The following CREM variants were observed in gnomAD, a reference collection of about 807,000 sequenced individuals.
The protein encoded by CREM is cAMP responsive element modulator, also known as cAMP-responsive element modulator.
A neutral mutation model predicts 37.3 loss-of-function variants in CREM; 13 were observed. The ratio of observed to expected loss-of-function variants is 0.35; its 90% CI spans 0.23 to 0.55. CREM has a LOEUF of 0.55. CREM is among the 20% of genes least tolerant of loss of function. The pLI, the probability that CREM is intolerant of heterozygous loss-of-function variation, is 0.88. For synonymous variants in CREM, 124 were observed against 120.2 expected, an observed-to-expected ratio of 1.03 and a Z score of -0.21; for missense variants, 296 against 362.3, an observed-to-expected ratio of 0.82 and a Z score of 1.49.
intron 3 of CREM, among the ~76,000 whole-genome samples, chr10:35,178,321 C>T (rs1417947594): frequency 1.3e-5 from 2 of 152,100 alleles, no homozygotes; most frequent in East Asian, 3.9e-4. Flanking sequence ...CAAGACCCAC[C>T]GCCACCAAGC....
At chr10:35,187,645 A>G (rs767335789) in intron 5 of CREM, among the ~76,000 whole-genome samples, 3 of 152,120 alleles carry the variant, frequency 2.0e-5, no homozygotes, top group Non-Finnish European at 4.4e-5. Flanking sequence ...TTTTAATTGC[A>G]ATATTAAATG....
chr10:35,147,484 A>G (rs1469744169), intron 2 of CREM, among the ~76,000 whole-genome samples: 2 of 152,208 alleles, frequency 1.3e-5, no homozygotes, highest in Non-Finnish European at 2.9e-5. Flanking sequence ...TTCATACACA[A>G]ACTTCAAATC....
chr10:35,175,574 G>C, intron 3 of CREM: 2 of 1,228,924 alleles, frequency 1.6e-6, no homozygotes, highest in Non-Finnish European at 2.4e-6. Context: ...TAGTTTAACT[G>C]CTTTAGAACT....
rs775879845 is a variant in CREM at position 35,148,438 on chromosome 10, TCTG to T, written c.118_120del (p.Ala40del). 8.1e-6 allele frequency: 13 copies of T among 1,613,702 alleles called. No homozygotes were observed. Among genetic ancestry groups the T allele is most frequent in the Admixed American group, 1.7e-5 (1 of 59,946 alleles). On this transcript the variant is annotated inframe_deletion, in exon 3 of 8. Transcript: ENST00000685392. Reference sequence around the variant, plus strand: ...AACAGCTTCTTTGACAGAGAGCAAGTCTGCTCATGTGCAGACTCAGACTGGCCA... The same window carrying T: ...AACAGCTTCTTTGACAGAGAGCAAGTCTCATGTGCAGACTCAGACTGGCCA...
chr10:35,147,374 G>C (rs544036497), intron 2 of CREM, among the ~76,000 whole-genome samples: 2 of 151,902 alleles, frequency 1.3e-5, no homozygotes, highest in Non-Finnish European at 2.9e-5. Context: ...TTAAATTTTA[G>C]TTTTGTTTAT....
intron 6 of CREM, among the ~76,000 whole-genome samples, chr10:35,199,906 T>TTTA (rs2095333481): frequency 2.0e-5 from 3 of 150,464 alleles, no homozygotes; most frequent in East Asian, 1.9e-4. Flanking sequence ...TTTTTTTTTT[T>TTTA]AAGACAGAGT....
intron 5 of CREM, 126 bp downstream of exon 5, chr10:35,179,402 A>G (rs2094253449): frequency 2.0e-6 from 2 of 1,023,590 alleles, no homozygotes; most frequent in African/African-American, 3.3e-5. Flanking sequence ...CCTAAACTGT[A>G]TCATAGAATG....
chr10:35,156,846 A>G (rs990999748), intron 3 of CREM, among the ~76,000 whole-genome samples: 3 of 152,066 alleles, frequency 2.0e-5, no homozygotes, highest in African/African-American at 7.2e-5. Flanking sequence ...GGAAAAACAC[A>G]TGTCTTTAAA....
chr10:35,170,109 C>A lies in CREM; in HGVS notation c.169-8780C>A, dbSNP rs187789024. Among the ~76,000 whole-genome samples the A allele has an allele frequency of 2.0e-5, 3 of 152,070 alleles. No homozygotes were observed. In the East Asian group the frequency reaches 5.8e-4, roughly 29 times the overall value. On this transcript the variant is annotated intron_variant, in intron 3 of 7. Transcript: ENST00000685392. ...TCCCTAGTAGCTGGGACTACAGGCACCCGCCACCACACCCGGCTAATTTTT... is the reference window on the plus strand; with the variant it reads ...TCCCTAGTAGCTGGGACTACAGGCAACCGCCACCACACCCGGCTAATTTTT...
chr10:35,159,132 G>A (rs1164884881), intron 3 of CREM, among the ~76,000 whole-genome samples: 1 of 152,042 alleles, frequency 6.6e-6, no homozygotes, highest in Non-Finnish European at 1.5e-5. Flanking sequence ...CTAATGATTA[G>A]AACAACAATA....
chr10:35,208,984 T>C (rs567974049), intron 7 of CREM, among the ~76,000 whole-genome samples: 3 of 152,302 alleles, frequency 2.0e-5, no homozygotes, highest in South Asian at 4.1e-4. Context: ...AATAGGTGAT[T>C]ATTATGCCCA....
At chr10:35,198,559 G>A (rs976213602) in intron 6 of CREM, among the ~76,000 whole-genome samples, 6 of 151,788 alleles carry the variant, frequency 4.0e-5, no homozygotes, top group African/African-American at 1.2e-4. Flanking sequence ...TAGTTTATGG[G>A]ATTATATTAT....
chr10:35,132,208 A>G (rs1005803479), intron 1 of CREM, among the ~76,000 whole-genome samples: 1 of 151,298 alleles, frequency 6.6e-6, no homozygotes, highest in Non-Finnish European at 1.5e-5. Flanking sequence ...TCTCAAAAAA[A>G]AAAAAAAAAG....
At chr10:35,204,714 T>C (rs896248920) in intron 6 of CREM, among the ~76,000 whole-genome samples, 1 of 152,198 alleles carries the variant, frequency 6.6e-6, no homozygotes, top group Non-Finnish European at 1.5e-5. Flanking sequence ...TATGAAAATC[T>C]TTAAGTGAGC....
chr10:35,130,836 A>C (rs1334157223), intron 1 of CREM, among the ~76,000 whole-genome samples: 4 of 152,202 alleles, frequency 2.6e-5, no homozygotes, highest in Non-Finnish European at 4.4e-5. Context: ...GAAGTTGCCT[A>C]ATATTTCTAA....
chr10:35,153,810 T>G (rs979916110), intron 3 of CREM, among the ~76,000 whole-genome samples: 1 of 152,200 alleles, frequency 6.6e-6, no homozygotes, highest in African/African-American at 2.4e-5. Context: ...CTGGAGATTG[T>G]CAAGGTCAGC....
chr10:35,187,094 A>C lies in CREM; in HGVS notation c.410-1106A>C, dbSNP rs1408450301. Among the ~76,000 whole-genome samples the C allele has an allele frequency of 7.2e-5, 4 of 55,348 alleles. No individual in the cohort carries two copies. The East Asian group carries it at 1.7e-3, about 24-fold the overall frequency. The allele number at this position is 55,348 out of a possible 152,430, so 36.3% of individuals were successfully genotyped here. A position where few individuals can be genotyped will look rare whatever the true frequency, so the allele number is the denominator to read the frequency against. Reference sequence around the variant, plus strand: ...TATAATAATATATATAATATATAATATATATGATATATATTATATAAATAT... The same window carrying C: ...TATAATAATATATATAATATATAATCTATATGATATATATTATATAAATAT... On this transcript the variant is annotated intron_variant, in intron 5 of 7. Transcript: ENST00000685392.
intron 5 of CREM, among the ~76,000 whole-genome samples, chr10:35,181,214 C>T (rs11010116): frequency 0.03 from 4,555 of 152,216 alleles, 222 homozygotes; most frequent in African/African-American, 0.1. Context: ...TTTGCAAACT[C>T]AATGATCAGA....
chr10:35,180,937 C>T (rs1282204153), intron 5 of CREM, among the ~76,000 whole-genome samples: 7 of 152,304 alleles, frequency 4.6e-5, no homozygotes, highest in Admixed American at 2.6e-4. Flanking sequence ...TGTGTAATGA[C>T]AGGGAAAAGG....
Sources: allele counts gnomAD v4.1 joint callset (sites outside exome capture counted in the v4.1 genomes callset), GRCh38; gene constraint gnomAD v4.1.1; transcripts MANE v1.5; gene names NCBI Gene and HGNC (gene_info 2026-07-23, HGNC 2026-07-21).